The following TOX variants were observed in gnomAD, a reference collection of about 807,000 sequenced individuals.
TOX encodes thymocyte selection-associated high mobility group box protein TOX.
TOX carries 11 observed loss-of-function variants against 53.7 expected under a neutral mutation model. The observed-to-expected ratio is 0.20, with a 90% CI of 0.13 to 0.34. TOX has a LOEUF of 0.34. TOX is among the 10% of genes least tolerant of loss of function. The pLI, the probability that TOX is intolerant of heterozygous loss-of-function variation, is 1.00. For synonymous variants in TOX, 225 were observed against 245.3 expected (o/e 0.92, Z 0.77); for missense variants, 570 against 664.6 (o/e 0.86, Z 1.56).
rs192705893 is a variant in TOX, at chr8:58,944,175, G to C, written c.169-4631C>G. The stretch of plus-strand genomic sequence containing the variant: ...CGCAACAGGACTCTTGTGTTCCAGC[G>C]CAAGAGGCACTGTGCATCACTCTGC... On this transcript the variant is annotated intron_variant, in intron 2 of 8. Transcript: ENST00000361421. Among the ~76,000 whole-genome samples the C allele has an allele frequency of 3.9e-5, 6 of 152,290 alleles. No individual in the cohort carries two copies. The South Asian group carries it at 1.2e-3, about 32-fold the overall frequency.
chr8:59,033,887 C>T (rs766370791), intron 1 of TOX, among the ~76,000 whole-genome samples: 11 of 152,144 alleles, frequency 7.2e-5, no homozygotes, highest in Admixed American at 2.6e-4. Flanking sequence ...GCAGATAGGG[C>T]GGCCTCAACA....
intron 1 of TOX, among the ~76,000 whole-genome samples, chr8:59,036,872 C>T (rs1814469124): frequency 2.0e-5 from 3 of 152,158 alleles, no homozygotes; most frequent in African/African-American, 7.2e-5. Context: ...ATCTTTCTGT[C>T]TTTTACAAAA....
At chr8:58,876,547 G>T (rs1811287880) in intron 3 of TOX, among the ~76,000 whole-genome samples, 1 of 152,110 alleles carries the variant, frequency 6.6e-6, no homozygotes, top group African/African-American at 2.4e-5. Context: ...TAATCTGATT[G>T]TTTTCCTCAG....
Position 59,119,128 on chromosome 8 carries a change from GGTTT to G in TOX, c.-145_-142del, listed in dbSNP as rs1045098205. ...CCTTCCTTCCCTCACATCCGTTTGT[GGTTT>G]GTTTAAGAAGAAGAGGAAAAAAAAA... On this transcript the variant is annotated 5_prime_UTR_variant, in exon 1 of 9. Coordinates refer to ENST00000361421, the MANE Select transcript of TOX (RefSeq NM_014729.3). The G allele has an allele frequency of 2.3e-4, 122 of 524,536 alleles. No individual in the cohort carries two copies. Among genetic ancestry groups the G allele is most frequent in the African/African-American group, 6.6e-4 (32 of 48,752 alleles). 32.5% of individuals were successfully genotyped at this position (524,536 alleles called of 1,614,324 possible). A position where few individuals can be genotyped will look rare whatever the true frequency, so the allele number is the denominator to read the frequency against.
At chr8:58,886,674 G>A (rs1296937770) in intron 3 of TOX, among the ~76,000 whole-genome samples, 1 of 151,962 alleles carries the variant, frequency 6.6e-6, no homozygotes, top group African/African-American at 2.4e-5. Context: ...TTTATACTAA[G>A]TTTCTATTTG....
intron 1 of TOX, among the ~76,000 whole-genome samples, chr8:58,973,961 C>T (rs556016488): frequency 2.7e-4 from 41 of 152,068 alleles, no homozygotes; most frequent in African/African-American, 9.7e-4. Context: ...CCATGCCTGG[C>T]TAATTTTTGT....
intron 1 of TOX, among the ~76,000 whole-genome samples, chr8:58,997,906 C>T (rs1813590603): frequency 6.6e-6 from 1 of 152,084 alleles, no homozygotes; most frequent in Non-Finnish European, 1.5e-5. Context: ...CATTCTCCTG[C>T]CTCAGCCTCC....
chr8:59,112,075 C>T (rs776360363), intron 1 of TOX, among the ~76,000 whole-genome samples: 3 of 152,046 alleles, frequency 2.0e-5, no homozygotes, highest in Admixed American at 6.6e-5. Context: ...GCAAACTTGC[C>T]ATAGATCAAA....
chr8:58,934,022 A>G (rs1304983016), intron 3 of TOX, among the ~76,000 whole-genome samples: 2 of 152,182 alleles, frequency 1.3e-5, no homozygotes, highest in Non-Finnish European at 2.9e-5. Flanking sequence ...AGTGCACACA[A>G]ATCAATTACT....
intron 3 of TOX, among the ~76,000 whole-genome samples, chr8:58,860,640 C>T (rs560968818): frequency 5.9e-4 from 90 of 152,262 alleles, no homozygotes; most frequent in Non-Finnish European, 1.1e-3. Flanking sequence ...ACAATTATGA[C>T]CAAACATTCT....
At chr8:59,020,642 C>T (rs1038330947) in intron 1 of TOX, among the ~76,000 whole-genome samples, 1 of 152,110 alleles carries the variant, frequency 6.6e-6, no homozygotes, top group Non-Finnish European at 1.5e-5. Flanking sequence ...CATACTTTTA[C>T]ATTGCATGAT....
chr8:59,019,740 C>T (rs1814086638), intron 1 of TOX, among the ~76,000 whole-genome samples: 1 of 152,010 alleles, frequency 6.6e-6, no homozygotes, highest in African/African-American at 2.4e-5. Flanking sequence ...TTATATTTGA[C>T]CATATAAAAT....
intron 1 of TOX, among the ~76,000 whole-genome samples, chr8:59,052,616 T>C (rs1803811679): frequency 6.6e-6 from 1 of 152,192 alleles, no homozygotes; most frequent in Admixed American, 6.5e-5. Flanking sequence ...TGAATTTCCA[T>C]ATATGCTGTT....
intron 1 of TOX, among the ~76,000 whole-genome samples, chr8:59,064,704 T>C (rs562258884): frequency 3.9e-5 from 6 of 152,312 alleles, no homozygotes; most frequent in Admixed American, 3.9e-4. Context: ...TTTCCTTCTA[T>C]ATTTTGGGGG....
chr8:59,001,815 AAAAC>A (rs1409476225), intron 1 of TOX, among the ~76,000 whole-genome samples: 1 of 152,172 alleles, frequency 6.6e-6, no homozygotes, highest in Non-Finnish European at 1.5e-5. Context: ...AACAAAGAAA[AAAAC>A]AAATCAAAAG....
At chr8:59,105,922 AG>A (rs921345393) in intron 1 of TOX, among the ~76,000 whole-genome samples, 1 of 152,166 alleles carries the variant, frequency 6.6e-6, no homozygotes, top group African/African-American at 2.4e-5. Context: ...TACCTTACAA[AG>A]TAAGTTTCAC....
chr8:59,007,264 C>T (rs901581880), intron 1 of TOX, among the ~76,000 whole-genome samples: 1 of 151,556 alleles, frequency 6.6e-6, no homozygotes, highest in African/African-American at 2.4e-5. Flanking sequence ...TTTTACTATA[C>T]TTTATGTCAT....
intron 1 of TOX, among the ~76,000 whole-genome samples, chr8:59,079,605 C>CT (rs1393256067): frequency 6.6e-6 from 1 of 152,198 alleles, no homozygotes; most frequent in Admixed American, 6.5e-5. Context: ...GTGAATGAGG[C>CT]TTGGTACCCT....
chr8:58,826,777 C>A (rs143426776), intron 6 of TOX, 45 bp downstream of exon 6: 4 of 1,535,396 alleles, frequency 2.6e-6, no homozygotes, highest in Non-Finnish European at 3.5e-6. Context: ...AAGTCTGCGC[C>A]GAGATGGCCA....
Sources: gnomAD v4.1 joint callset for allele counts (sites outside exome capture counted in the v4.1 genomes callset) on GRCh38, gnomAD v4.1.1 for gene constraint, MANE v1.5 for transcripts, NCBI Gene and HGNC (gene_info 2026-07-23, HGNC 2026-07-21) for gene names.